Variants in PHAF1 observed in about 807,000 individuals in gnomAD.
PHAF1 encodes phagosome assembly factor 1.
Under a neutral mutation model 63.1 loss-of-function variants are expected in PHAF1, and 23 were observed. The ratio of observed to expected loss-of-function variants is 0.36; its 90% CI spans 0.26 to 0.52. PHAF1 has a LOEUF of 0.52. Among genes scored for constraint, PHAF1 ranks in the 20% least tolerant of loss-of-function variants. The probability of loss-of-function intolerance (pLI) is 0.93; values close to 1 mark genes in which losing one functional copy is unlikely to be tolerated. For synonymous variants in PHAF1, 167 were observed against 185.0 expected, an observed-to-expected ratio of 0.90 and a Z score of 0.79; for missense variants, 427 against 517.2, an observed-to-expected ratio of 0.83 and a Z score of 1.69.
At chr16:67,128,503 C>T (rs180748128) in intron 3 of PHAF1, among the ~76,000 whole-genome samples, 1 of 152,298 alleles carries the variant, frequency 6.6e-6, no homozygotes, top group East Asian at 1.9e-4. Context: ...ATGCTGCCTC[C>T]TATAGTTGCT....
chr16:67,110,290 C>G, intron 1 of PHAF1, 51 bp downstream of exon 1: 1 of 1,539,506 alleles, frequency 6.5e-7, no homozygotes, highest in African/African-American at 1.4e-5. Flanking sequence ...CTTGCTTTCT[C>G]CTGGGCTCTT....
intron 12 of PHAF1, 82 bp from the exon 13 acceptor site, chr16:67,145,294 C>T: frequency 1.3e-6 from 2 of 1,499,640 alleles, no homozygotes; most frequent in Non-Finnish European, 9.2e-7. Flanking sequence ...CAAAGGGACA[C>T]CAGGTCTGGT....
chr16:67,114,657 G>A (rs1363555070), intron 1 of PHAF1, among the ~76,000 whole-genome samples: 1 of 152,124 alleles, frequency 6.6e-6, no homozygotes, highest in Non-Finnish European at 1.5e-5. Flanking sequence ...TGTACTGGTA[G>A]AAGAAGAAAA....
chr16:67,112,631 T>G (rs1457137195), intron 1 of PHAF1, among the ~76,000 whole-genome samples: 1 of 152,134 alleles, frequency 6.6e-6, no homozygotes, highest in African/African-American at 2.4e-5. Flanking sequence ...TCAGCTGTTG[T>G]TTTGATACCC....
At chr16:67,120,063 A>G in intron 1 of PHAF1, 49 bp from the exon 2 acceptor site, 1 of 1,545,890 alleles carries the variant, frequency 6.5e-7, no homozygotes, top group East Asian at 2.3e-5. Context: ...GGTAGATGTC[A>G]ATAGATGGAT....
At chr16:67,139,343 CTTTTTTTTTTTT>C (rs1164245105) in intron 8 of PHAF1, among the ~76,000 whole-genome samples, 1 of 86,872 alleles carries the variant, frequency 1.2e-5, no homozygotes, top group African/African-American at 5.2e-5. Context: ...ACAGCACTGC[CTTTTTTTTTTTT>C]TTTTTTTTTT....
chr16:67,140,942 C>G (rs1431526391), intron 10 of PHAF1, among the ~76,000 whole-genome samples: 3 of 152,158 alleles, frequency 2.0e-5, no homozygotes, highest in Non-Finnish European at 4.4e-5. Flanking sequence ...AAAATGGAGA[C>G]TGAAAAGGAT....
chr16:67,121,677 T>C (rs1044383215), intron 2 of PHAF1, among the ~76,000 whole-genome samples: 2 of 144,924 alleles, frequency 1.4e-5, no homozygotes, highest in African/African-American at 5.1e-5. Flanking sequence ...GCCTCCCGAG[T>C]TCAAGCGATT....
intron 6 of PHAF1, among the ~76,000 whole-genome samples, chr16:67,133,441 G>A (rs1225505297): frequency 6.7e-6 from 1 of 148,716 alleles, no homozygotes; most frequent in Non-Finnish European, 1.5e-5. Context: ...GATGACTTGA[G>A]GTCAGGAGTT....
At chr16:67,120,572 G>A (rs1597189116) in intron 2 of PHAF1, among the ~76,000 whole-genome samples, 1 of 150,640 alleles carries the variant, frequency 6.6e-6, no homozygotes, top group East Asian at 1.9e-4. Flanking sequence ...TTGTGTTCAG[G>A]ATTTTTGCAG....
intron 1 of PHAF1, 108 bp downstream of exon 1, chr16:67,110,347 C>A: frequency 8.3e-7 from 1 of 1,201,726 alleles, no homozygotes; most frequent in Non-Finnish European, 1.2e-6. Flanking sequence ...CAGCTCCTCA[C>A]CTCTTTCGTC....
chr16:67,133,376 C>A (rs1011967867), intron 6 of PHAF1, among the ~76,000 whole-genome samples: 1 of 151,820 alleles, frequency 6.6e-6, no homozygotes, highest in Admixed American at 6.6e-5. Context: ...GAAAACTGAC[C>A]GGGCATGGTG....
chr16:67,135,876 C>T (rs886580813), intron 8 of PHAF1: 12 of 152,276 alleles, frequency 7.9e-5, no homozygotes, highest in South Asian at 4.1e-4. Context: ...TACAGGCACG[C>T]ACCACCATGC....
At chr16:67,118,061 T>C (rs1354768993) in intron 1 of PHAF1, among the ~76,000 whole-genome samples, 1 of 148,676 alleles carries the variant, frequency 6.7e-6, no homozygotes, top group Non-Finnish European at 1.5e-5. Context: ...TTCATGCCAT[T>C]CTCCTGTCTC....
intron 15 of PHAF1, among the ~76,000 whole-genome samples, 172 bp from the exon 16 acceptor site, chr16:67,146,873 A>G (rs1466062999): frequency 1.3e-5 from 2 of 152,166 alleles, no homozygotes; most frequent in Non-Finnish European, 2.9e-5. Context: ...ATTGAGAAAC[A>G]GGCAGATCTC....
intron 3 of PHAF1, among the ~76,000 whole-genome samples, chr16:67,126,595 G>GTTTTTTTTT (rs60445297): frequency 2.2e-5 from 3 of 134,206 alleles, no homozygotes; most frequent in African/African-American, 8.4e-5. Context: ...TTTGTTTTTG[G>GTTTTTTTTT]TTTTTTTTTT....
intron 10 of PHAF1, among the ~76,000 whole-genome samples, chr16:67,141,768 G>A (rs919762796): frequency 6.6e-6 from 1 of 152,198 alleles, no homozygotes; most frequent in African/African-American, 2.4e-5. Flanking sequence ...CAAGGAGAAT[G>A]CGGTGGCACC....
At chr16:67,117,063 C>T (rs768315403) in intron 1 of PHAF1, among the ~76,000 whole-genome samples, 1 of 151,766 alleles carries the variant, frequency 6.6e-6, no homozygotes, top group Non-Finnish European at 1.5e-5. Flanking sequence ...GACGGAGTGT[C>T]ACTCTGTCGC....
rs776164057 is a variant in PHAF1 at position 67,144,310 on chromosome 16, C to T, written c.896C>T (p.Ala299Val). The T allele has an allele frequency of 3.1e-6, 5 of 1,610,894 alleles. No individual in the cohort carries two copies. Among genetic ancestry groups the T allele is most frequent in the South Asian group, 2.2e-5 (2 of 90,958 alleles). Residue 299 changes from alanine (A) to valine (V), a missense_variant, in exon 11 of 16, where the codon GCG (alanine) becomes GTG (valine). Physicochemically the swap from Ala to Val is moderately conservative, Grantham distance 64 (BLOSUM62 0). Coordinates refer to ENST00000219139, the MANE Select transcript of PHAF1 (RefSeq NM_025187.5). The stretch of plus-strand genomic sequence containing the variant: ...CTATCCCAGGACATCCTCTTTGATG[C>T]GAATACACACAAAGTGAAGAAGTTT... ...FTLGVDILFD[A>V]NTHKVKKFVL...
Sources: gnomAD v4.1 joint callset for allele counts (sites outside exome capture counted in the v4.1 genomes callset) on GRCh38, gnomAD v4.1.1 for gene constraint, MANE v1.5 for transcripts, NCBI Gene and HGNC (gene_info 2026-07-23, HGNC 2026-07-21) for gene names.